CDH8: variants seen among roughly 807,000 people sequenced by gnomAD.
CDH8 encodes the protein cadherin 8.
Under a neutral mutation model 68.1 loss-of-function variants are expected in CDH8, and 17 were observed. The ratio of observed to expected loss-of-function variants is 0.25; its 90% CI spans 0.17 to 0.37. The LOEUF is 0.37. Ranked by LOEUF, CDH8 falls within the 10% of genes least tolerant of loss-of-function variation. CDH8 has a pLI of 1.00. For missense variants in CDH8, 763 were observed against 999.3 expected, an observed-to-expected ratio of 0.76 and a Z score of 3.19; for synonymous variants, 372 against 365.1, an observed-to-expected ratio of 1.02 and a Z score of -0.21.
chr16:61,919,248 A>T (rs1040794371), intron 2 of CDH8, among the ~76,000 whole-genome samples: 1 of 147,932 alleles, frequency 6.8e-6, no homozygotes, highest in Non-Finnish European at 1.5e-5. Context: ...AACTCTAAAA[A>T]GCAGAGCGCC....
chr16:61,655,454 T>G lies in CDH8; in HGVS notation c.1906+16A>C. 3 of 1,613,748 alleles carry G rather than the reference T, an allele frequency of 1.9e-6. No individual in the cohort carries two copies. The highest frequency in any genetic ancestry group is 2.5e-6 in the Non-Finnish European group (3 of 1,179,724). On this transcript the variant is annotated intron_variant, in intron 11 of 11. Transcript: ENST00000577390. ...CAGAAAAAGGGTGACCGGTAGGCTA[T>G]GAAGGAAATACGTACCTAACAGCAA... is the stretch of plus-strand genomic sequence containing the variant.
At chr16:61,655,873 CTT>C (rs35413525) in intron 10 of CDH8, 152 bp from the exon 11 acceptor site, 6,618 of 520,336 alleles carry the variant, frequency 0.013, no homozygotes, top group East Asian at 0.017. Context: ...CGTCTCCGCA[CTT>C]TTTTTTTTTT....
At chr16:61,969,898 T>C (rs531684410) in intron 2 of CDH8, among the ~76,000 whole-genome samples, 159 of 152,294 alleles carry the variant, frequency 1.0e-3, no homozygotes, top group Admixed American at 2.2e-3. Flanking sequence ...TCCCTTGGGG[T>C]TGCTATGTGA....
At chr16:61,798,358 A>G (rs1223498185) in intron 7 of CDH8, among the ~76,000 whole-genome samples, 7 of 152,178 alleles carry the variant, frequency 4.6e-5, no homozygotes, top group Non-Finnish European at 7.3e-5. Flanking sequence ...ATATAAACTC[A>G]GGAGTGATAT....
chr16:61,699,466 GC>G (rs1231584660), intron 10 of CDH8, among the ~76,000 whole-genome samples: 3 of 152,186 alleles, frequency 2.0e-5, no homozygotes, highest in Non-Finnish European at 4.4e-5. Flanking sequence ...AATGATGGCT[GC>G]CTTTGCTTCC....
intron 10 of CDH8, among the ~76,000 whole-genome samples, chr16:61,688,635 A>T (rs776676386): frequency 6.6e-6 from 1 of 151,960 alleles, no homozygotes; most frequent in Non-Finnish European, 1.5e-5. Flanking sequence ...GAGATGGATC[A>T]TATCCCAGTG....
intron 4 of CDH8, among the ~76,000 whole-genome samples, chr16:61,856,749 T>C (rs1963054892): frequency 6.6e-6 from 1 of 152,206 alleles, no homozygotes; most frequent in African/African-American, 2.4e-5. Flanking sequence ...CATACCCATT[T>C]TACAGATGTG....
intron 10 of CDH8, among the ~76,000 whole-genome samples, chr16:61,668,661 C>T (rs1397080485): frequency 7.1e-6 from 1 of 141,534 alleles, no homozygotes; most frequent in East Asian, 2.0e-4. Flanking sequence ...GCACATAAAC[C>T]ACTTAGGAAA....
chr16:61,859,721 C>A (rs1466279983), intron 3 of CDH8, among the ~76,000 whole-genome samples: 1 of 152,154 alleles, frequency 6.6e-6, no homozygotes, highest in Non-Finnish European at 1.5e-5. Context: ...TGAAGGTAAA[C>A]TGAGTCAGGG....
intron 10 of CDH8, among the ~76,000 whole-genome samples, chr16:61,658,318 T>C (rs1963491664): frequency 6.6e-6 from 1 of 152,062 alleles, no homozygotes; most frequent in Non-Finnish European, 1.5e-5. Flanking sequence ...TGATGCCTTT[T>C]CATTTCATTT....
At position 61,760,351 on chromosome 16, in the gene CDH8, G is replaced by A. The variant is rs866646358; in HGVS notation, c.1414+28995C>T. Among the ~76,000 whole-genome samples the A allele has an allele frequency of 1.6e-3, 242 of 150,642 alleles. 1 individual carries two copies. Among genetic ancestry groups the A allele is most frequent in the African/African-American group, 5.7e-3 (233 of 40,806 alleles). On this transcript the variant is annotated intron_variant, in intron 8 of 11. Transcript: ENST00000577390. ...TACTGAGACAGAGTCTCACTCAGTC[G>A]CCCAAGCTGGAGTGCAGTGGCGCAA...
intron 8 of CDH8, among the ~76,000 whole-genome samples, chr16:61,768,494 A>C (rs1462564530): frequency 6.9e-6 from 1 of 143,986 alleles, no homozygotes; most frequent in Non-Finnish European, 1.5e-5. Flanking sequence ...TGACCCTATT[A>C]ATTGTTCTGA....
intron 10 of CDH8, among the ~76,000 whole-genome samples, chr16:61,664,257 T>A (rs957651732): frequency 2.0e-5 from 3 of 151,940 alleles, no homozygotes; most frequent in Non-Finnish European, 2.9e-5. Context: ...GATAAATGAG[T>A]TACATGATGT....
intron 2 of CDH8, among the ~76,000 whole-genome samples, chr16:61,918,041 A>AAT (rs1440244151): frequency 3.6e-5 from 5 of 139,742 alleles, no homozygotes; most frequent in Non-Finnish European, 7.6e-5. Flanking sequence ...AACTGCTGCC[A>AAT]CCTTAGTACC....
At chr16:61,768,360 CTCTCTCT>C (rs1960670724) in intron 8 of CDH8, among the ~76,000 whole-genome samples, 20 of 108,328 alleles carry the variant, frequency 1.8e-4, no homozygotes, top group East Asian at 5.3e-4. Context: ...CTCTCTCTCT[CTCTCTCT>C]CCCTTTCTCT....
intron 4 of CDH8, among the ~76,000 whole-genome samples, chr16:61,836,189 G>C (rs961111978): frequency 3.3e-5 from 5 of 151,824 alleles, no homozygotes; most frequent in African/African-American, 7.3e-5. Context: ...ATCAATCAGG[G>C]CCTGTCATAT....
At chr16:61,778,499 G>A (rs1053807022) in intron 8 of CDH8, among the ~76,000 whole-genome samples, 2 of 152,090 alleles carry the variant, frequency 1.3e-5, no homozygotes, top group Non-Finnish European at 2.9e-5. Context: ...TTTGTTGTGG[G>A]AAGGGGCAGG....
At chr16:61,948,689 T>C (rs990097643) in intron 2 of CDH8, among the ~76,000 whole-genome samples, 3 of 152,222 alleles carry the variant, frequency 2.0e-5, no homozygotes, top group African/African-American at 7.2e-5. Flanking sequence ...GTTAAATCCG[T>C]AGCTTTAAGC....
chr16:62,023,162 T>C (rs1902114420), intron 1 of CDH8, among the ~76,000 whole-genome samples: 1 of 152,104 alleles, frequency 6.6e-6, no homozygotes, highest in Non-Finnish European at 1.5e-5. Flanking sequence ...CTAAACAAAA[T>C]TCAAAAAGCC....
Sources: gnomAD v4.1 joint callset for allele counts (sites outside exome capture counted in the v4.1 genomes callset) on GRCh38, gnomAD v4.1.1 for gene constraint, MANE v1.5 for transcripts, NCBI Gene and HGNC (gene_info 2026-07-23, HGNC 2026-07-21) for gene names.